Variants in FOXN2 observed in about 807,000 individuals in gnomAD.
FOXN2 encodes the protein forkhead box N2.
In FOXN2, 19 loss-of-function variants were observed where a neutral mutation model predicts 41.2. The ratio of observed to expected loss-of-function variants is 0.46; its 90% CI spans 0.32 to 0.68. The LOEUF (loss-of-function observed/expected upper bound fraction) is 0.68, where lower values mean the gene tolerates loss of function less well. Ranked by LOEUF, FOXN2 falls within the 30% of genes least tolerant of loss-of-function variation. FOXN2 has a pLI of 0.03. For synonymous variants in FOXN2, 195 were observed against 176.8 expected (o/e 1.10, Z -0.82); for missense variants, 587 against 509.4 (o/e 1.15, Z -1.47).
chr2:48,358,643 T>G (rs1671962417), intron 3 of FOXN2, among the ~76,000 whole-genome samples: 1 of 152,284 alleles, frequency 6.6e-6, no homozygotes, highest in Non-Finnish European at 1.5e-5. Context: ...TAAATCTTAA[T>G]AGCAATCATA....
intron 5 of FOXN2, among the ~76,000 whole-genome samples, chr2:48,363,747 G>C (rs1325524236): frequency 6.6e-6 from 1 of 152,106 alleles, no homozygotes; most frequent in Non-Finnish European, 1.5e-5. Flanking sequence ...ATTACCTATA[G>C]TATTCAGTAC....
chr2:48,321,587 A>C (rs1669323499), intron 1 of FOXN2, among the ~76,000 whole-genome samples: 1 of 151,864 alleles, frequency 6.6e-6, no homozygotes, highest in African/African-American at 2.4e-5. Context: ...GTATTATTTC[A>C]TGAAAATTTT....
intron 3 of FOXN2, among the ~76,000 whole-genome samples, chr2:48,358,491 C>T (rs1245527188): frequency 6.6e-6 from 1 of 152,058 alleles, no homozygotes; most frequent in African/African-American, 2.4e-5. Context: ...GTTTTTGAAC[C>T]TATAGAACGG....
chr2:48,323,958 T>G (rs904679764), intron 1 of FOXN2, among the ~76,000 whole-genome samples: 1 of 152,164 alleles, frequency 6.6e-6, no homozygotes, highest in Non-Finnish European at 1.5e-5. Flanking sequence ...AATTTAGTAG[T>G]GCTTTTTATA....
At chr2:48,323,641 T>G (rs954522568) in intron 1 of FOXN2, among the ~76,000 whole-genome samples, 33 of 152,284 alleles carry the variant, frequency 2.2e-4, no homozygotes, top group African/African-American at 7.9e-4. Context: ...GTTTGTCACA[T>G]GTATAGTTTG....
rs13410143 is a variant in FOXN2, at chr2:48,324,638, T to C, written c.-156-3923T>C. On this transcript the variant is annotated intron_variant, in intron 1 of 6. Coordinates refer to ENST00000340553, the MANE Select transcript of FOXN2 (RefSeq NM_002158.4). ...AAATTGGCAGCAAGTTAGAGCCAGGTTGTGCTTGCTTTTGAAGTACTCTGC... is the reference window on the plus strand; with the variant it reads ...AAATTGGCAGCAAGTTAGAGCCAGGCTGTGCTTGCTTTTGAAGTACTCTGC... Among the ~76,000 whole-genome samples the C allele has an allele frequency of 2.9e-3, 448 of 152,334 alleles. 4 individuals carry two copies. The highest frequency in any genetic ancestry group is 0.01 in the African/African-American group (432 of 41,586).
intron 2 of FOXN2, among the ~76,000 whole-genome samples, chr2:48,335,917 C>T (rs1440066752): frequency 6.6e-6 from 1 of 151,590 alleles, no homozygotes; most frequent in Non-Finnish European, 1.5e-5. Flanking sequence ...AGTCCCAGCT[C>T]CTCGGGAGGC....
chr2:48,345,072 A>T (rs758754914), intron 2 of FOXN2, among the ~76,000 whole-genome samples: 14 of 152,184 alleles, frequency 9.2e-5, no homozygotes, highest in Non-Finnish European at 1.3e-4. Context: ...AATAGAAATG[A>T]AAAAAGAATA....
intron 2 of FOXN2, among the ~76,000 whole-genome samples, chr2:48,336,702 T>C (rs62136987): frequency 0.45 from 67,989 of 151,734 alleles, 15,529 homozygotes; most frequent in East Asian, 0.53. Flanking sequence ...CAAATACATG[T>C]ATGCCTTTAA....
At position 48,378,137 on chromosome 2, in the gene FOXN2, C is replaced by G. The variant is rs1029529806; in HGVS notation, c.*2694C>G. ...AAAGCTTTGATTCAACACAATTGTT[C>G]ATCTTCACATCCCAAACAGAATCAC... is the stretch of plus-strand genomic sequence containing the variant. On this transcript the variant is annotated 3_prime_UTR_variant, in exon 7 of 7. Transcript: ENST00000340553. 6.6e-6 allele frequency: 1 copy of G among 152,368 alleles called. No individual in the cohort carries two copies. Among genetic ancestry groups the G allele is most frequent in the Non-Finnish European group, 1.5e-5 (1 of 67,884 alleles). 9.4% of individuals were successfully genotyped at this position (152,368 alleles called of 1,614,324 possible).
intron 1 of FOXN2, among the ~76,000 whole-genome samples, chr2:48,324,156 G>A (rs1388568882): frequency 6.6e-6 from 1 of 151,394 alleles, no homozygotes; most frequent in African/African-American, 2.4e-5. Context: ...ATAGTATAAC[G>A]CATAGTATTC....
chr2:48,370,619 A>G (rs1259898885), intron 5 of FOXN2, among the ~76,000 whole-genome samples: 1 of 151,848 alleles, frequency 6.6e-6, no homozygotes, highest in Non-Finnish European at 1.5e-5. Context: ...GTCTGTTCTG[A>G]TCATTTGCCC....
At chr2:48,319,543 T>A (rs1669150051) in intron 1 of FOXN2, among the ~76,000 whole-genome samples, 1 of 151,964 alleles carries the variant, frequency 6.6e-6, no homozygotes, top group South Asian at 2.1e-4. Flanking sequence ...TAATTGAAAT[T>A]CTTTCTAAAA....
Position 48,323,164 on chromosome 2 carries a change from G to GT in FOXN2, c.-156-5387dup, listed in dbSNP as rs574899580. Among the ~76,000 whole-genome samples the GT allele has an allele frequency of 1.5e-3, 214 of 147,126 alleles. 1 individual carries two copies. Among genetic ancestry groups the GT allele is most frequent in the African/African-American group, 2.9e-3 (118 of 40,228 alleles). ...GTGTATCAATATTTTTAAATATTCT[G>GT]TTTTTTTTTTATAACTGATATATTT... On this transcript the variant is annotated intron_variant, in intron 1 of 6. Coordinates refer to ENST00000340553, the MANE Select transcript of FOXN2 (RefSeq NM_002158.4).
intron 5 of FOXN2, among the ~76,000 whole-genome samples, chr2:48,363,155 C>T (rs1189402253): frequency 2.0e-5 from 3 of 152,056 alleles, no homozygotes; most frequent in Non-Finnish European, 4.4e-5. Flanking sequence ...CCCTAAAGAC[C>T]TTCCAGTGGG....
intron 2 of FOXN2, among the ~76,000 whole-genome samples, chr2:48,329,657 T>C (rs764416214): frequency 1.3e-5 from 2 of 152,186 alleles, no homozygotes; most frequent in Admixed American, 6.5e-5. Context: ...CATGACATCA[T>C]GTAGCATTAT....
upstream of FOXN2, among the ~76,000 whole-genome samples, chr2:48,314,306 T>C (rs1668739300): frequency 6.6e-6 from 1 of 152,248 alleles, no homozygotes; most frequent in Admixed American, 6.5e-5. Context: ...GCCGCACTCC[T>C]ATAGGTCCTT....
chr2:48,378,081 C>G lies in FOXN2; in HGVS notation c.*2638C>G, dbSNP rs560512460. ...GTCAAAAGAATATGTTTTGTTGCAG[C>G]TGATTCCAGTTTATAATAGATCCCT... On this transcript the variant is annotated 3_prime_UTR_variant, in exon 7 of 7. Coordinates refer to ENST00000340553, the MANE Select transcript of FOXN2 (RefSeq NM_002158.4). 5.2e-5 allele frequency: 8 copies of G among 152,420 alleles called. No individual in the cohort carries two copies. Among genetic ancestry groups the G allele is most frequent in the Non-Finnish European group, 1.2e-4 (8 of 67,918 alleles). The allele number at this position is 152,420 out of a possible 1,614,324, so 9.4% of individuals were successfully genotyped here. A position where few individuals can be genotyped will look rare whatever the true frequency, so the allele number is the denominator to read the frequency against.
At chr2:48,355,858 A>G (rs893794649) in intron 3 of FOXN2, among the ~76,000 whole-genome samples, 21 of 152,212 alleles carry the variant, frequency 1.4e-4, no homozygotes, top group Non-Finnish European at 2.4e-4. Context: ...AGACAGGTCT[A>G]ACAATCCTGG....
Sources: allele counts gnomAD v4.1 joint callset (sites outside exome capture counted in the v4.1 genomes callset), GRCh38; gene constraint gnomAD v4.1.1; transcripts MANE v1.5; gene names NCBI Gene and HGNC (gene_info 2026-07-23, HGNC 2026-07-21).